TMEM132D: variants seen among roughly 807,000 people sequenced by gnomAD.
TMEM132D encodes mature OL transmembrane protein.
A neutral mutation model predicts 62.3 loss-of-function variants in TMEM132D; 21 were observed. That is an observed-to-expected ratio of 0.34 (90% CI 0.24 to 0.49). TMEM132D has a LOEUF of 0.49. TMEM132D is among the 20% of genes least tolerant of loss of function. TMEM132D has a pLI of 0.99. For synonymous variants in TMEM132D, 621 were observed against 575.6 expected, an observed-to-expected ratio of 1.08 and a Z score of -1.13; for missense variants, 1,346 against 1,402.8, an observed-to-expected ratio of 0.96 and a Z score of 0.65.
intron 1 of TMEM132D, among the ~76,000 whole-genome samples, chr12:129,894,043 A>G (rs1420457361): frequency 6.6e-6 from 1 of 152,198 alleles, no homozygotes; most frequent in Non-Finnish European, 1.5e-5. Context: ...TGTCCATCAC[A>G]CTGTCCAGGC....
At chr12:129,336,215 A>G (rs1869265900) in intron 4 of TMEM132D, among the ~76,000 whole-genome samples, 1 of 152,192 alleles carries the variant, frequency 6.6e-6, no homozygotes, top group African/African-American at 2.4e-5. Flanking sequence ...GCAATTCCTA[A>G]TTGGTACACA....
intron 3 of TMEM132D, among the ~76,000 whole-genome samples, chr12:129,527,814 G>C (rs952786609): frequency 6.6e-6 from 1 of 152,158 alleles, no homozygotes; most frequent in Admixed American, 6.5e-5. Flanking sequence ...CTGATAGCTG[G>C]GGTAACATTC....
intron 5 of TMEM132D, among the ~76,000 whole-genome samples, chr12:129,130,893 T>G (rs1335004963): frequency 6.6e-6 from 1 of 152,192 alleles, no homozygotes; most frequent in Admixed American, 6.5e-5. Context: ...CCAAGTGTGG[T>G]TCTCACCCAT....
In TMEM132D at chr12:129,416,992, G is replaced by A. The variant is rs189968202; in HGVS notation, c.1116-79175C>T. Among the ~76,000 whole-genome samples the A allele has an allele frequency of 1.8e-3, 275 of 152,228 alleles. 2 individuals carry two copies. Among genetic ancestry groups the A allele is most frequent in the African/African-American group, 6.3e-3 (261 of 41,538 alleles). ...ACATTGATGATTATCAGGAATATTG[G>A]CCTGAAATTTTCTTTTTTGTTGTTG... On this transcript the variant is annotated intron_variant, in intron 3 of 8. Coordinates refer to ENST00000422113, the MANE Select transcript of TMEM132D (RefSeq NM_133448.3).
chr12:129,828,685 A>G (rs1275870815), intron 1 of TMEM132D, among the ~76,000 whole-genome samples: 2 of 27,896 alleles, frequency 7.2e-5, no homozygotes, highest in Non-Finnish European at 1.5e-4. Context: ...AGAAGGGAGG[A>G]AGGAAGGGAG....
intron 3 of TMEM132D, among the ~76,000 whole-genome samples, chr12:129,506,809 C>T (rs1020773866): frequency 3.3e-5 from 5 of 152,292 alleles, no homozygotes; most frequent in African/African-American, 1.2e-4. Flanking sequence ...GCAAGGATTT[C>T]ATGACTAAGA....
At chr12:129,122,486 G>T (rs557507725) in intron 5 of TMEM132D, among the ~76,000 whole-genome samples, 1 of 152,152 alleles carries the variant, frequency 6.6e-6, no homozygotes, top group Non-Finnish European at 1.5e-5. Flanking sequence ...GGAGGGACTC[G>T]CCTGATTTAT....
At chr12:129,156,495 A>T (rs1289418823) in intron 5 of TMEM132D, among the ~76,000 whole-genome samples, 1 of 152,144 alleles carries the variant, frequency 6.6e-6, no homozygotes, top group African/African-American at 2.4e-5. Context: ...GTTCACTCCC[A>T]TGATAACCAA....
intron 1 of TMEM132D, among the ~76,000 whole-genome samples, chr12:129,861,846 T>C (rs2137368826): frequency 6.6e-6 from 1 of 152,032 alleles, no homozygotes; most frequent in Non-Finnish European, 1.5e-5. Context: ...ACATCACTAC[T>C]GTAGAACCTA....
chr12:129,284,616 A>G (rs1209879740), intron 4 of TMEM132D, among the ~76,000 whole-genome samples: 1 of 152,254 alleles, frequency 6.6e-6, no homozygotes, highest in African/African-American at 2.4e-5. Context: ...ATGTAAACAT[A>G]TGTTCATGGC....
At chr12:129,255,524 T>C (rs955935049) in intron 4 of TMEM132D, among the ~76,000 whole-genome samples, 7 of 152,206 alleles carry the variant, frequency 4.6e-5, no homozygotes, top group African/African-American at 1.7e-4. Context: ...AGATGGCCAG[T>C]TGAATTTCAG....
intron 1 of TMEM132D, among the ~76,000 whole-genome samples, chr12:129,817,957 GTGTA>G (rs937218372): frequency 6.8e-6 from 1 of 147,660 alleles, no homozygotes; most frequent in African/African-American, 2.5e-5. Context: ...GTGGTGTGAG[GTGTA>G]TGTGTGTATA....
intron 1 of TMEM132D, among the ~76,000 whole-genome samples, chr12:129,768,684 G>A (rs1296363315): frequency 6.6e-6 from 1 of 152,104 alleles, no homozygotes; most frequent in Non-Finnish European, 1.5e-5. Context: ...GGCGAAACAG[G>A]GACAGTGCTG....
At chr12:129,763,078 T>C (rs1870436922) in intron 1 of TMEM132D, among the ~76,000 whole-genome samples, 2 of 152,128 alleles carry the variant, frequency 1.3e-5, no homozygotes, top group South Asian at 4.1e-4. Context: ...TAGCTTTTTG[T>C]TGTTGTTGTT....
chr12:129,621,320 C>T (rs1879060796), intron 2 of TMEM132D, among the ~76,000 whole-genome samples: 1 of 152,174 alleles, frequency 6.6e-6, no homozygotes. Flanking sequence ...CGACTGTCCC[C>T]ACCTGCCATC....
chr12:129,075,834 T>G (rs531310098), intron 8 of TMEM132D, among the ~76,000 whole-genome samples: 2 of 152,354 alleles, frequency 1.3e-5, no homozygotes, highest in Non-Finnish European at 2.9e-5. Context: ...GGCAGATCAT[T>G]GGAGATAACC....
At chr12:129,255,940 C>T (rs896704362) in intron 4 of TMEM132D, among the ~76,000 whole-genome samples, 15 of 152,174 alleles carry the variant, frequency 9.9e-5, no homozygotes. Flanking sequence ...TAGATCAGTC[C>T]AGGACCACCT....
intron 4 of TMEM132D, among the ~76,000 whole-genome samples, chr12:129,333,075 C>T (rs576496708): frequency 9.1e-4 from 138 of 152,154 alleles, no homozygotes; most frequent in Middle Eastern, 3.4e-3. Flanking sequence ...ATTGAATTCC[C>T]AAGGAGAAGA....
chr12:129,899,367 G>A (rs531693268), intron 1 of TMEM132D, among the ~76,000 whole-genome samples: 2 of 132,362 alleles, frequency 1.5e-5, no homozygotes, highest in South Asian at 2.2e-4. Context: ...TGGATGGATG[G>A]ATGGACTGGT....
Sources: allele counts gnomAD v4.1 joint callset (sites outside exome capture counted in the v4.1 genomes callset), GRCh38; gene constraint gnomAD v4.1.1; transcripts MANE v1.5; gene names NCBI Gene and HGNC (gene_info 2026-07-23, HGNC 2026-07-21).